Variants in UBE2E2 observed in about 807,000 individuals in gnomAD.
The protein encoded by UBE2E2 is ubiquitin-conjugating enzyme E2 E2.
In UBE2E2, 6 loss-of-function variants were observed where a neutral mutation model predicts 24.7. The observed-to-expected ratio is 0.24, with a 90% CI of 0.13 to 0.48. The LOEUF (loss-of-function observed/expected upper bound fraction) is 0.48. UBE2E2 is among the 20% of genes least tolerant of loss of function. UBE2E2 has a pLI of 0.99. For synonymous variants in UBE2E2, 104 were observed against 83.6 expected (o/e 1.24, Z -1.33); for missense variants, 169 against 245.0 (o/e 0.69, Z 2.07).
At chr3:23,340,277 T>A (rs1253008764) in intron 3 of UBE2E2, among the ~76,000 whole-genome samples, 1 of 152,176 alleles carries the variant, frequency 6.6e-6, no homozygotes, top group Non-Finnish European at 1.5e-5. Flanking sequence ...TTTTTAACAT[T>A]TATTTACATT....
chr3:23,471,435 G>C (rs916281324), intron 3 of UBE2E2, among the ~76,000 whole-genome samples: 4 of 152,196 alleles, frequency 2.6e-5, no homozygotes, highest in Non-Finnish European at 1.5e-5. Context: ...ATCAGTAAAT[G>C]TGTGGAAGGA....
chr3:23,358,935 G>T (rs980288888), intron 3 of UBE2E2, among the ~76,000 whole-genome samples: 6 of 152,120 alleles, frequency 3.9e-5, no homozygotes, highest in African/African-American at 1.2e-4. Flanking sequence ...TTGACCAAGG[G>T]TACCTAGCCA....
At chr3:23,290,739 A>C (rs1698740665) in intron 3 of UBE2E2, among the ~76,000 whole-genome samples, 2 of 151,770 alleles carry the variant, frequency 1.3e-5, no homozygotes, top group Non-Finnish European at 2.9e-5. Flanking sequence ...AAATTTTATT[A>C]TTATTATTTT....
At chr3:23,588,410 G>GT (rs199679364) in intron 5 of UBE2E2, among the ~76,000 whole-genome samples, 9,861 of 129,726 alleles carry the variant, frequency 0.076, 347 homozygotes, top group South Asian at 0.18. Flanking sequence ...TTGTTTTTTT[G>GT]TTTTTTTTTT....
At chr3:23,438,222 G>A (rs1038230093) in intron 3 of UBE2E2, among the ~76,000 whole-genome samples, 5 of 152,128 alleles carry the variant, frequency 3.3e-5, no homozygotes, top group African/African-American at 1.2e-4. Context: ...AAAAGTAAAG[G>A]TGCAGAGTTG....
rs1438893584 is a variant in UBE2E2 at position 23,591,197 on chromosome 3, T to C, written c.*1366T>C. ...CTGATTGATAATTCAGGGTTATTAG[T>C]GTAACAAAGCGTAGTGGAAACTCCT... On this transcript the variant is annotated 3_prime_UTR_variant, in exon 6 of 6. Coordinates refer to ENST00000396703, the MANE Select transcript of UBE2E2 (RefSeq NM_152653.4). 1 of 152,162 alleles carries C rather than the reference T, an allele frequency of 6.6e-6. No individual in the cohort carries two copies. 9.4% of individuals were successfully genotyped at this position (152,162 alleles called of 1,614,324 possible).
intron 3 of UBE2E2, among the ~76,000 whole-genome samples, chr3:23,391,984 A>G (rs1244539137): frequency 6.6e-6 from 1 of 152,184 alleles, no homozygotes; most frequent in East Asian, 1.9e-4. Context: ...ACAGTAATTT[A>G]ATAACTGAAT....
chr3:23,228,031 T>C (rs1218042042), intron 3 of UBE2E2, among the ~76,000 whole-genome samples: 1 of 152,216 alleles, frequency 6.6e-6, no homozygotes, highest in Non-Finnish European at 1.5e-5. Context: ...TTATGTATAA[T>C]AGTTTGCTGT....
At chr3:23,430,795 A>C (rs1427094307) in intron 3 of UBE2E2, among the ~76,000 whole-genome samples, 1 of 152,060 alleles carries the variant, frequency 6.6e-6, no homozygotes, top group Non-Finnish European at 1.5e-5. Flanking sequence ...GGCTAAGATT[A>C]CTGGTGTGAG....
At chr3:23,588,527 C>G (rs747410838) in intron 5 of UBE2E2, among the ~76,000 whole-genome samples, 6 of 151,616 alleles carry the variant, frequency 4.0e-5, no homozygotes, top group Non-Finnish European at 7.4e-5. Flanking sequence ...AGCGATCCTG[C>G]TGCCTCAGCC....
intron 3 of UBE2E2, among the ~76,000 whole-genome samples, chr3:23,385,486 A>G (rs1469846388): frequency 6.6e-6 from 1 of 152,162 alleles, no homozygotes; most frequent in Non-Finnish European, 1.5e-5. Context: ...AGCATCCCGC[A>G]TGGTTTCAAG....
chr3:23,258,684 G>A (rs1202795756), intron 3 of UBE2E2, among the ~76,000 whole-genome samples: 2 of 152,070 alleles, frequency 1.3e-5, no homozygotes, highest in East Asian at 1.9e-4. Flanking sequence ...ACGAGCTCAG[G>A]AGATGGAGAC....
intron 3 of UBE2E2, among the ~76,000 whole-genome samples, chr3:23,238,505 G>C (rs1200770220): frequency 6.6e-6 from 1 of 152,182 alleles, no homozygotes; most frequent in East Asian, 1.9e-4. Context: ...AACTAGTTAG[G>C]TTGGGTGGGA....
intron 3 of UBE2E2, among the ~76,000 whole-genome samples, chr3:23,317,553 C>G (rs57575542): frequency 0.36 from 54,417 of 152,006 alleles, 9,985 homozygotes; most frequent in East Asian, 0.49. Context: ...ATTGGACTTA[C>G]AGTTCCGCAT....
chr3:23,247,763 T>G (rs1249227863), intron 3 of UBE2E2, among the ~76,000 whole-genome samples: 1 of 152,204 alleles, frequency 6.6e-6, no homozygotes, highest in Non-Finnish European at 1.5e-5. Context: ...CACTTTCCAC[T>G]GCCACTCTAC....
Position 23,398,373 on chromosome 3 carries a change from A to G in UBE2E2, c.228-101235A>G, listed in dbSNP as rs181837016. 1.3e-4 allele frequency among the ~76,000 whole-genome samples: 20 copies of G among 150,974 alleles called. No homozygotes were observed. In the East Asian group the frequency reaches 3.9e-3, roughly 29 times the overall value. ...TTCCTTAACACCTTTGGATTTTTCCAAAGTAATCACTATGTTTTGGAATGT... is the reference window on the plus strand; with the variant it reads ...TTCCTTAACACCTTTGGATTTTTCCGAAGTAATCACTATGTTTTGGAATGT... On this transcript the variant is annotated intron_variant, in intron 3 of 5. Transcript: ENST00000396703.
intron 3 of UBE2E2, among the ~76,000 whole-genome samples, chr3:23,365,896 T>G (rs1696245680): frequency 2.0e-5 from 3 of 152,054 alleles, no homozygotes; most frequent in African/African-American, 7.3e-5. Context: ...AAAAGCACAA[T>G]AGTGGTACAA....
At chr3:23,515,991 A>G (rs1485417644) in intron 4 of UBE2E2, among the ~76,000 whole-genome samples, 1 of 152,026 alleles carries the variant, frequency 6.6e-6, no homozygotes, top group Non-Finnish European at 1.5e-5. Context: ...CAAAAATTAA[A>G]AAGGAGCAAC....
chr3:23,528,660 TG>T (rs1379130361), intron 4 of UBE2E2, among the ~76,000 whole-genome samples: 2 of 152,196 alleles, frequency 1.3e-5, no homozygotes, highest in African/African-American at 2.4e-5. Flanking sequence ...AACCCGATGT[TG>T]GACACAAATT....
Sources: gnomAD v4.1 joint callset for allele counts (sites outside exome capture counted in the v4.1 genomes callset) on GRCh38, gnomAD v4.1.1 for gene constraint, MANE v1.5 for transcripts, NCBI Gene and HGNC (gene_info 2026-07-23, HGNC 2026-07-21) for gene names.